The following EHBP1 variants were observed in gnomAD, a reference collection of about 807,000 sequenced individuals.
The protein encoded by EHBP1 is EH domain-binding protein 1.
EHBP1 carries 55 observed loss-of-function variants against 144.0 expected under a neutral mutation model. That is an observed-to-expected ratio of 0.38 (90% CI 0.31 to 0.48). EHBP1 has a LOEUF of 0.48. EHBP1 is among the 20% of genes least tolerant of loss of function. The pLI is 0.98. For synonymous variants in EHBP1, 469 were observed against 472.7 expected (o/e 0.99, Z 0.10); for missense variants, 1,200 against 1,364.2 (o/e 0.88, Z 1.90).
chr2:63,041,328 T>G (rs1161338124), intron 21 of EHBP1, among the ~76,000 whole-genome samples: 1 of 152,114 alleles, frequency 6.6e-6, no homozygotes, highest in Non-Finnish European at 1.5e-5. Context: ...TTCCTATAGT[T>G]TTTTTTGTTC....
chr2:63,022,019 G>A (rs1195071729), intron 19 of EHBP1, among the ~76,000 whole-genome samples: 1 of 151,922 alleles, frequency 6.6e-6, no homozygotes, highest in African/African-American at 2.4e-5. Flanking sequence ...GCCCACCTCG[G>A]CCTCCCAAAG....
At chr2:62,716,872 A>G (rs2035736048) in intron 2 of EHBP1, among the ~76,000 whole-genome samples, 1 of 152,194 alleles carries the variant, frequency 6.6e-6, no homozygotes, top group Non-Finnish European at 1.5e-5. Flanking sequence ...TCTGGCTGCT[A>G]AAGTGTCTGC....
upstream of EHBP1, among the ~76,000 whole-genome samples, chr2:62,702,518 A>G (rs1182799550): frequency 6.6e-6 from 1 of 152,176 alleles, no homozygotes; most frequent in Non-Finnish European, 1.5e-5. Flanking sequence ...CTAGCATGCC[A>G]AAAGTTCTCA....
At chr2:62,916,209 T>C (rs1044383748) in intron 10 of EHBP1, among the ~76,000 whole-genome samples, 3 of 151,922 alleles carry the variant, frequency 2.0e-5, no homozygotes, top group Non-Finnish European at 2.9e-5. Flanking sequence ...AAAGAAAATA[T>C]AATAATATTA....
intron 9 of EHBP1, among the ~76,000 whole-genome samples, chr2:62,870,541 C>T (rs963002113): frequency 1.3e-5 from 2 of 150,758 alleles, no homozygotes; most frequent in Non-Finnish European, 3.0e-5. Flanking sequence ...ATGGTGAGAC[C>T]CCCCCCATCT....
Position 62,943,802 on chromosome 2 carries a change from T to G in EHBP1, c.1365T>G (p.Ile455Met). The G allele has an allele frequency of 6.3e-7, 1 of 1,596,968 alleles. No homozygotes were observed. The highest frequency in any genetic ancestry group is 8.6e-7 in the Non-Finnish European group (1 of 1,169,396). Residue 455 changes from isoleucine to methionine, a missense_variant and splice_region_variant, in exon 12 of 23, where the codon ATT becomes ATG. Physicochemically the swap from Ile to Met is conservative, Grantham distance 10 (BLOSUM62 1). This residue lies in a region of EHBP1 where 94 missense variants were observed against 143.0 expected (regional missense o/e 0.66). Coordinates refer to ENST00000431489, the MANE Select transcript of EHBP1 (RefSeq NM_001142616.3). ...AILHHFRPDL[I>M]DYKSLNPQDI... ...CCCACTGTGCTATTTTCTCCCTCAG[T>G]GACTACAAGTCTCTGAATCCTCAAG...
intron 14 of EHBP1, among the ~76,000 whole-genome samples, chr2:62,959,147 G>T (rs1472091957): frequency 6.6e-6 from 1 of 152,044 alleles, no homozygotes; most frequent in Admixed American, 6.5e-5. Context: ...TCTATAACTG[G>T]CTTATTTCAC....
chr2:62,737,597 C>A (rs2038275020), intron 2 of EHBP1, among the ~76,000 whole-genome samples: 1 of 152,164 alleles, frequency 6.6e-6, no homozygotes, highest in Non-Finnish European at 1.5e-5. Context: ...GTTGATATTT[C>A]AGCTTGTTCA....
At chr2:63,005,387 G>T (rs912517107) in intron 19 of EHBP1, among the ~76,000 whole-genome samples, 2 of 152,086 alleles carry the variant, frequency 1.3e-5, no homozygotes, top group Non-Finnish European at 2.9e-5. Context: ...GGCTAGCGTG[G>T]ATAGCAACAG....
chr2:62,903,544 C>T (rs2053571826), intron 10 of EHBP1, among the ~76,000 whole-genome samples: 1 of 152,146 alleles, frequency 6.6e-6, no homozygotes, highest in Non-Finnish European at 1.5e-5. Flanking sequence ...GGGAGGATTG[C>T]TTGTGCCTAG....
intron 8 of EHBP1, among the ~76,000 whole-genome samples, chr2:62,862,798 G>A (rs934232036): frequency 2.0e-5 from 3 of 151,980 alleles, no homozygotes; most frequent in Admixed American, 6.5e-5. Context: ...TACTTTTAAT[G>A]CACTATGACT....
At chr2:62,888,355 T>C in intron 10 of EHBP1, among the ~76,000 whole-genome samples, 1 of 152,240 alleles carries the variant, frequency 6.6e-6, no homozygotes, top group Non-Finnish European at 1.5e-5. Flanking sequence ...TTTCTCACTG[T>C]GTTCAATGGG....
Position 62,948,488 on chromosome 2 carries a change from A to G in EHBP1, c.1642A>G (p.Lys548Glu), listed in dbSNP as rs748490643. 6.2e-7 allele frequency: 1 copy of G among 1,613,502 alleles called. No individual in the cohort carries two copies. Among genetic ancestry groups the G allele is most frequent in the Non-Finnish European group, 8.5e-7 (1 of 1,179,546 alleles). The change falls in exon 13 of 23, where the codon AAA becomes GAA. Residue 548 changes from lysine to glutamate, a missense_variant. Physicochemically the swap from Lys to Glu is moderately conservative, Grantham distance 56. Coordinates refer to ENST00000431489, the MANE Select transcript of EHBP1 (RefSeq NM_001142616.3). Reference sequence around the variant, plus strand: ...TACAAACAGTTCTGTTGATCAAGAAAAATTCTATGCAGAGCTTAGTGATCT... The same window carrying G: ...TACAAACAGTTCTGTTGATCAAGAAGAATTCTATGCAGAGCTTAGTGATCT... Reference protein sequence around the residue: ...TDTNSSVDQEKFYAELSDLKR... With the variant: ...TDTNSSVDQEEFYAELSDLKR...
At chr2:62,759,517 T>C (rs1434255734) in intron 3 of EHBP1, among the ~76,000 whole-genome samples, 1 of 152,138 alleles carries the variant, frequency 6.6e-6, no homozygotes, top group Non-Finnish European at 1.5e-5. Context: ...GCGATTCGCC[T>C]GCCTCAGCCT....
At chr2:62,963,964 AGAG>A (rs1323527616) in intron 14 of EHBP1, among the ~76,000 whole-genome samples, 2 of 152,144 alleles carry the variant, frequency 1.3e-5, no homozygotes, top group Non-Finnish European at 2.9e-5. Context: ...GTTGCGTTTT[AGAG>A]GAGAAGAATG....
chr2:62,733,704 C>T (rs1045965275), intron 2 of EHBP1, among the ~76,000 whole-genome samples: 1 of 152,126 alleles, frequency 6.6e-6, no homozygotes, highest in Non-Finnish European at 1.5e-5. Flanking sequence ...TCTTCTTTGC[C>T]GGAGGGCATT....
chr2:63,034,333 T>C (rs2061375324), intron 19 of EHBP1, among the ~76,000 whole-genome samples: 1 of 152,050 alleles, frequency 6.6e-6, no homozygotes, highest in South Asian at 2.1e-4. Context: ...CTTTCAATAT[T>C]GTATGTCTTG....
chr2:63,038,492 G>T (rs1418523691), intron 20 of EHBP1, among the ~76,000 whole-genome samples: 1 of 152,068 alleles, frequency 6.6e-6, no homozygotes, highest in African/African-American at 2.4e-5. Flanking sequence ...AAGAAGCAAT[G>T]AAGAAAGTGA....
chr2:62,764,128 A>G (rs2040981471), intron 3 of EHBP1, 138 bp from the exon 4 acceptor site: 1 of 608,466 alleles, frequency 1.6e-6, no homozygotes, highest in Admixed American at 4.1e-5. Context: ...GGGATACTAC[A>G]TAGGGTCAAT....
Sources: gnomAD v4.1 joint callset for allele counts (sites outside exome capture counted in the v4.1 genomes callset) on GRCh38, gnomAD v4.1.1 for gene constraint, gnomAD v4.1.1 regional missense constraint, MANE v1.5 for transcripts, NCBI Gene and HGNC (gene_info 2026-07-23, HGNC 2026-07-21) for gene names.